The following FOCAD variants were observed in gnomAD, a reference collection of about 807,000 sequenced individuals.
The protein encoded by FOCAD is KIAA1797.
Under a neutral mutation model 225.6 loss-of-function variants are expected in FOCAD, and 198 were observed. That is an observed-to-expected ratio of 0.88 (90% CI 0.78 to 0.99). FOCAD has a LOEUF of 0.99. Ranked by LOEUF, FOCAD falls within the 50% of genes least tolerant of loss-of-function variation. FOCAD has a pLI of 0.00. For synonymous variants in FOCAD, 897 were observed against 755.0 expected (o/e 1.19, Z -3.08); for missense variants, 2,713 against 2,123.6 (o/e 1.28, Z -5.46).
intron 26 of FOCAD, 78 bp downstream of exon 26, chr9:20,926,495 T>C: frequency 1.1e-6 from 1 of 946,746 alleles, no homozygotes; most frequent in South Asian, 1.3e-5. Context: ...ATGAAATCGA[T>C]TATATAGGCC....
chr9:20,673,720 A>T (rs1423846009), intron 2 of FOCAD, among the ~76,000 whole-genome samples: 1 of 152,000 alleles, frequency 6.6e-6, no homozygotes, highest in Non-Finnish European at 1.5e-5. Flanking sequence ...CTCCCACCTC[A>T]GCCTCCCAGG....
At chr9:20,717,462 C>G (rs949095127) in intron 2 of FOCAD, among the ~76,000 whole-genome samples, 1 of 152,170 alleles carries the variant, frequency 6.6e-6, no homozygotes, top group East Asian at 1.9e-4. Context: ...TATGGGCTTT[C>G]TCATTCATGT....
chr9:20,684,177 C>A (rs1822511060), upstream of FOCAD: 1 of 152,224 alleles, frequency 6.6e-6, no homozygotes, highest in Non-Finnish European at 1.5e-5. Flanking sequence ...CGGAACAGGG[C>A]CTCGCGATAT....
chr9:20,837,545 T>G (rs918975801), intron 15 of FOCAD, among the ~76,000 whole-genome samples: 2 of 151,158 alleles, frequency 1.3e-5, no homozygotes, highest in African/African-American at 2.4e-5. Flanking sequence ...ATGGGTAGGG[T>G]TTTTTTTTGG....
At chr9:20,660,211 A>T (rs1201557583) in intron 2 of FOCAD, among the ~76,000 whole-genome samples, 1 of 152,214 alleles carries the variant, frequency 6.6e-6, no homozygotes, top group East Asian at 1.9e-4. Context: ...CAATAATAGT[A>T]GTTATGGTTA....
At chr9:20,881,218 A>G (rs757537492) in intron 19 of FOCAD, among the ~76,000 whole-genome samples, 3 of 152,328 alleles carry the variant, frequency 2.0e-5, no homozygotes, top group Non-Finnish European at 4.4e-5. Flanking sequence ...GGTGGAAGGG[A>G]TAGCAAATGC....
At chr9:20,929,668 C>A (rs1420954785) in intron 27 of FOCAD, 72 bp downstream of exon 27, 2 of 1,231,388 alleles carry the variant, frequency 1.6e-6, no homozygotes, top group African/African-American at 3.0e-5. Context: ...CCCATATGCA[C>A]CTATATATAA....
chr9:20,773,531 A>G (rs1323638952), intron 8 of FOCAD, among the ~76,000 whole-genome samples: 2 of 152,226 alleles, frequency 1.3e-5, no homozygotes, highest in African/African-American at 2.4e-5. Flanking sequence ...ACACAGCTCA[A>G]GAAATAGAGG....
At chr9:20,805,998 T>G (rs1169223365) in intron 11 of FOCAD, among the ~76,000 whole-genome samples, 1 of 152,186 alleles carries the variant, frequency 6.6e-6, no homozygotes, top group East Asian at 1.9e-4. Context: ...TCATATGTGC[T>G]AAGAGCTAAT....
chr9:20,939,150 C>CAAAAAAAAAAA (rs565280892), intron 28 of FOCAD, among the ~76,000 whole-genome samples: 20,935 of 70,792 alleles, frequency 0.3, 5,190 homozygotes, highest in Non-Finnish European at 0.38. Flanking sequence ...ACTCTCTTCT[C>CAAAAAAAAAAA]AAAAAAAAAA....
At chr9:20,933,825 C>G (rs1835707005) in intron 28 of FOCAD, among the ~76,000 whole-genome samples, 1 of 152,082 alleles carries the variant, frequency 6.6e-6, no homozygotes, top group African/African-American at 2.4e-5. Flanking sequence ...AGTTTACACT[C>G]CCACTAGCAG....
At chr9:20,885,913 A>C (rs1831067200) in intron 21 of FOCAD, among the ~76,000 whole-genome samples, 1 of 152,242 alleles carries the variant, frequency 6.6e-6, no homozygotes, top group Admixed American at 6.5e-5. Context: ...TAGTTCAGAC[A>C]TAGTAGGTTA....
At position 20,885,196 on chromosome 9, in the gene FOCAD, G is replaced by A; in HGVS notation, c.2591G>A (p.Ser864Asn). ...AGACTGATGGCCAGCAGAGGGCGAA[G>A]TTTCAAGCAGACTTCACTTGCTCTT... ...LNRLMASRGR[S>N]FKQTSLALVH... is the part of the protein sequence containing the mutation. The change falls in exon 21 of 44, where the codon AGT (serine) becomes AAT (asparagine). Residue 864 changes from serine (S) to asparagine (N), a missense_variant. Coordinates refer to ENST00000338382, the MANE Select transcript of FOCAD (RefSeq NM_001375567.1). 6.5e-7 allele frequency: 1 copy of A among 1,538,438 alleles called. No homozygotes were observed.
At position 20,664,159 on chromosome 9, in the gene FOCAD, TTAAA is replaced by T. The variant is rs149765614; in HGVS notation, c.-78+5337_-78+5340del. ...AAATCTAATTTTAAAAGTTCTATATTTAAATAACATATGTTTTCCTTTTAAAAAG... is the reference window on the plus strand; with the variant it reads ...AAATCTAATTTTAAAAGTTCTATATTTAACATATGTTTTCCTTTTAAAAAG... On this transcript the variant is annotated intron_variant, in intron 2 of 45. Transcript: ENST00000380249. 3.0e-3 allele frequency among the ~76,000 whole-genome samples: 463 copies of T among 151,940 alleles called. 1 individual carries two copies. The highest frequency in any genetic ancestry group is 0.011 in the African/African-American group (445 of 41,438).
chr9:20,949,697 C>A (rs1384578005), intron 33 of FOCAD, 22 bp downstream of exon 33: 1 of 1,580,426 alleles, frequency 6.3e-7, no homozygotes, highest in South Asian at 1.1e-5. Context: ...AATTTAAAAT[C>A]CTTGGGTGGA....
intron 26 of FOCAD, among the ~76,000 whole-genome samples, chr9:20,928,696 C>G (rs183263664): frequency 2.6e-4 from 40 of 152,214 alleles, no homozygotes; most frequent in Admixed American, 7.2e-4. Context: ...ATAGAGCTCT[C>G]CATTTCATTT....
intron 20 of FOCAD, 59 bp downstream of exon 20, chr9:20,882,115 CT>C: frequency 4.0e-6 from 6 of 1,491,822 alleles, no homozygotes; most frequent in Non-Finnish European, 5.5e-6. Flanking sequence ...TTAACTTCCA[CT>C]TTCAAGTAGG....
intron 10 of FOCAD, among the ~76,000 whole-genome samples, chr9:20,784,148 G>T (rs1053874808): frequency 1.3e-5 from 2 of 152,178 alleles, no homozygotes; most frequent in Non-Finnish European, 1.5e-5. Flanking sequence ...GCTAGAACTG[G>T]TCCACAGGAA....
chr9:20,760,711 T>A (rs1829514622), intron 6 of FOCAD, among the ~76,000 whole-genome samples: 2 of 152,212 alleles, frequency 1.3e-5, no homozygotes, highest in African/African-American at 4.8e-5. Context: ...GACATTATCA[T>A]AATTACTCTC....
Sources: gnomAD v4.1 joint callset for allele counts (sites outside exome capture counted in the v4.1 genomes callset) on GRCh38, gnomAD v4.1.1 for gene constraint, MANE v1.5 for transcripts, NCBI Gene and HGNC (gene_info 2026-07-23, HGNC 2026-07-21) for gene names.